XYLT1: variants seen among roughly 807,000 people sequenced by gnomAD.
XYLT1 encodes beta-D-xylosyltransferase 1.
In XYLT1, 36 loss-of-function variants were observed where a neutral mutation model predicts 91.3. The observed-to-expected ratio is 0.39, with a 90% CI of 0.30 to 0.52. The LOEUF (loss-of-function observed/expected upper bound fraction) is 0.52. Among genes scored for constraint, XYLT1 ranks in the 20% least tolerant of loss-of-function variants. The pLI is 0.68. For synonymous variants in XYLT1, 588 were observed against 532.0 expected, an observed-to-expected ratio of 1.11 and a Z score of -1.45; for missense variants, 1,242 against 1,284.5, an observed-to-expected ratio of 0.97 and a Z score of 0.51.
chr16:17,157,903 C>G (rs1373719475), intron 6 of XYLT1, among the ~76,000 whole-genome samples: 1 of 152,174 alleles, frequency 6.6e-6, no homozygotes, highest in African/African-American at 2.4e-5. Context: ...CATGTGCCAC[C>G]ACACCTGGCT....
chr16:17,306,148 T>C (rs962971993), intron 2 of XYLT1, among the ~76,000 whole-genome samples: 2 of 152,206 alleles, frequency 1.3e-5, no homozygotes, highest in African/African-American at 4.8e-5. Flanking sequence ...TCAGGGTAAC[T>C]TACCAAGTGC....
At chr16:17,121,136 T>C (rs1289314875) in intron 10 of XYLT1, among the ~76,000 whole-genome samples, 1 of 152,200 alleles carries the variant, frequency 6.6e-6, no homozygotes, top group African/African-American at 2.4e-5. Flanking sequence ...AACAGATGAA[T>C]GGCCACAAAA....
chr16:17,335,467 G>C (rs909994673), intron 2 of XYLT1, among the ~76,000 whole-genome samples: 1 of 152,018 alleles, frequency 6.6e-6, no homozygotes, highest in Non-Finnish European at 1.5e-5. Flanking sequence ...AAGGCAGGCA[G>C]ATCACCTGAG....
chr16:17,135,576 A>C (rs1025552076), intron 8 of XYLT1, among the ~76,000 whole-genome samples: 2 of 151,878 alleles, frequency 1.3e-5, no homozygotes, highest in African/African-American at 4.8e-5. Context: ...AAAAAAAAAA[A>C]AAAAATTCCC....
At chr16:17,145,335 C>T (rs964448427) in intron 6 of XYLT1, among the ~76,000 whole-genome samples, 1 of 152,220 alleles carries the variant, frequency 6.6e-6, no homozygotes, top group Non-Finnish European at 1.5e-5. Context: ...GGGGTGGGAA[C>T]ATGACCCAGG....
intron 6 of XYLT1, among the ~76,000 whole-genome samples, chr16:17,143,087 C>T: frequency 6.6e-6 from 1 of 152,102 alleles, no homozygotes; most frequent in East Asian, 1.9e-4. Context: ...TTTGTAGATG[C>T]AGAAACCAAA....
intron 1 of XYLT1, among the ~76,000 whole-genome samples, chr16:17,387,342 A>G (rs1403817102): frequency 6.6e-6 from 1 of 152,106 alleles, no homozygotes; most frequent in Non-Finnish European, 1.5e-5. Context: ...TCACTAGACT[A>G]CCTGAGAGCT....
chr16:17,132,943 C>T (rs937168837), intron 9 of XYLT1, among the ~76,000 whole-genome samples: 1 of 152,178 alleles, frequency 6.6e-6, no homozygotes, highest in Non-Finnish European at 1.5e-5. Context: ...TGATGATTAT[C>T]TCCTTTACAC....
At chr16:17,196,621 C>A (rs1422783358) in intron 5 of XYLT1, among the ~76,000 whole-genome samples, 2 of 151,932 alleles carry the variant, frequency 1.3e-5, no homozygotes, top group Non-Finnish European at 2.9e-5. Flanking sequence ...TTTTTAGGAC[C>A]CCTTCATCTA....
chr16:17,380,046 G>T (rs2035660213), intron 1 of XYLT1, among the ~76,000 whole-genome samples: 1 of 152,268 alleles, frequency 6.6e-6, no homozygotes, highest in South Asian at 2.1e-4. Context: ...CCAGCATTTT[G>T]GGAGGCCAAG....
At chr16:17,401,665 A>G (rs2141901800) in intron 1 of XYLT1, among the ~76,000 whole-genome samples, 1 of 152,208 alleles carries the variant, frequency 6.6e-6, no homozygotes, top group Non-Finnish European at 1.5e-5. Flanking sequence ...CACTCAGATA[A>G]TGCCTGGCCT....
At chr16:17,194,848 G>A (rs1197694612) in intron 5 of XYLT1, among the ~76,000 whole-genome samples, 4 of 152,224 alleles carry the variant, frequency 2.6e-5, no homozygotes, top group African/African-American at 7.2e-5. Flanking sequence ...TGAAACAAGT[G>A]TCTGCCACAC....
chr16:17,469,743 G>T (rs974691487), intron 1 of XYLT1, among the ~76,000 whole-genome samples: 3 of 152,240 alleles, frequency 2.0e-5, no homozygotes, highest in African/African-American at 7.2e-5. Context: ...CAACCAGCTA[G>T]GAGAAGGAGC....
intron 2 of XYLT1, among the ~76,000 whole-genome samples, chr16:17,336,436 G>C (rs536995027): frequency 5.3e-5 from 8 of 152,294 alleles, no homozygotes; most frequent in Non-Finnish European, 1.0e-4. Flanking sequence ...AGATGGAGAG[G>C]AAAGAAGCCA....
In XYLT1 at chr16:17,391,812, G is replaced by A. The variant is rs539993235; in HGVS notation, c.364-33762C>T. 2.0e-5 allele frequency among the ~76,000 whole-genome samples: 3 copies of A among 152,292 alleles called. No homozygotes were observed. The South Asian group carries it at 6.2e-4, about 32-fold the overall frequency. ...CATGGGGGTAGTTTCCCCCCATACT[G>A]TTCTCATGGTAGTAAGTCTCACGAG... On this transcript the variant is annotated intron_variant, in intron 1 of 11. Transcript: ENST00000261381.
At chr16:17,390,126 G>C (rs1339756326) in intron 1 of XYLT1, among the ~76,000 whole-genome samples, 1 of 152,198 alleles carries the variant, frequency 6.6e-6, no homozygotes, top group East Asian at 1.9e-4. Context: ...CTAGGTTTAA[G>C]AGATCTGTTC....
intron 1 of XYLT1, among the ~76,000 whole-genome samples, chr16:17,366,552 G>A (rs751407842): frequency 6.6e-6 from 1 of 152,078 alleles, no homozygotes; most frequent in Non-Finnish European, 1.5e-5. Flanking sequence ...AAACTTAGCT[G>A]GGCGTGTTGG....
At chr16:17,118,867 A>G (rs1040023891) in intron 10 of XYLT1, among the ~76,000 whole-genome samples, 1 of 151,790 alleles carries the variant, frequency 6.6e-6, no homozygotes, top group Non-Finnish European at 1.5e-5. Flanking sequence ...GCTCATTCCC[A>G]GCTCAGCTTT....
chr16:17,291,744 T>C (rs2034230210), intron 2 of XYLT1, among the ~76,000 whole-genome samples: 1 of 152,182 alleles, frequency 6.6e-6, no homozygotes, highest in Non-Finnish European at 1.5e-5. Flanking sequence ...TTTATCGCAA[T>C]AGCTATTTAT....
Sources: gnomAD v4.1 joint callset for allele counts (sites outside exome capture counted in the v4.1 genomes callset) on GRCh38, gnomAD v4.1.1 for gene constraint, MANE v1.5 for transcripts, NCBI Gene and HGNC (gene_info 2026-07-23, HGNC 2026-07-21) for gene names.